The following SPTBN1 variants were observed in gnomAD, a reference collection of about 807,000 sequenced individuals.
The protein encoded by SPTBN1 is spectrin beta, non-erythrocytic 1.
A neutral mutation model predicts 266.4 loss-of-function variants in SPTBN1; 32 were observed. The observed-to-expected ratio is 0.12, with a 90% confidence interval of 0.09 to 0.16. SPTBN1 has a LOEUF of 0.16. Among genes scored for constraint, SPTBN1 ranks in the 10% least tolerant of loss-of-function variants. SPTBN1 has a pLI of 1.00. For missense variants in SPTBN1, 2,296 were observed against 3,067.1 expected (o/e 0.75, Z 5.94); for synonymous variants, 1,336 against 1,162.2 (o/e 1.15, Z -3.04).
chr2:54,502,242 ATC>A (rs1669310281), intron 1 of SPTBN1, among the ~76,000 whole-genome samples: 1 of 152,094 alleles, frequency 6.6e-6, no homozygotes, highest in Non-Finnish European at 1.5e-5. Context: ...CCTTGCTCTC[ATC>A]TGGAAGCTGA....
chr2:54,584,156 T>C lies in SPTBN1; in HGVS notation c.149-14936T>C, dbSNP rs192483785. Among the ~76,000 whole-genome samples, 3 of 152,362 alleles carry C rather than the reference T, an allele frequency of 2.0e-5. No individual in the cohort carries two copies. In the East Asian group the frequency reaches 5.8e-4, roughly 29 times the overall value. ...TTATACACTGTTCTATAAGGGACTC[T>C]TGCATTCAGTAATATTATATGGCCA... On this transcript the variant is annotated intron_variant, in intron 2 of 35. Coordinates refer to ENST00000356805, the MANE Select transcript of SPTBN1 (RefSeq NM_003128.3).
At chr2:54,524,325 T>C (rs1017373662) in intron 1 of SPTBN1, among the ~76,000 whole-genome samples, 2 of 152,234 alleles carry the variant, frequency 1.3e-5, no homozygotes, top group African/African-American at 4.8e-5. Flanking sequence ...GATAGCTTCA[T>C]ATGCCTGACT....
At chr2:54,572,710 G>A (rs1184856285) in intron 2 of SPTBN1, among the ~76,000 whole-genome samples, 1 of 152,174 alleles carries the variant, frequency 6.6e-6, no homozygotes, top group Admixed American at 6.5e-5. Flanking sequence ...GAGGTGGGAT[G>A]TTATTTTTTT....
chr2:54,520,970 A>G (rs1323716279), intron 1 of SPTBN1, among the ~76,000 whole-genome samples: 1 of 152,114 alleles, frequency 6.6e-6, no homozygotes, highest in Non-Finnish European at 1.5e-5. Flanking sequence ...CAGAGTTCCA[A>G]GATGGCCAAG....
chr2:54,647,100 C>G (rs746966056), intron 23 of SPTBN1, 31 bp from the exon 24 acceptor site: 8 of 1,614,078 alleles, frequency 5.0e-6, no homozygotes, highest in Non-Finnish European at 6.8e-6. Context: ...GAGGGGACCG[C>G]TATGGTTGTG....
intron 2 of SPTBN1, 79 bp from the exon 3 acceptor site, chr2:54,599,013 G>C: frequency 6.5e-7 from 1 of 1,542,962 alleles, no homozygotes; most frequent in Non-Finnish European, 8.8e-7. Flanking sequence ...TCTGGCTGGG[G>C]TCTTGTGGCC....
At chr2:54,621,781 C>G (rs998906764) in intron 8 of SPTBN1, among the ~76,000 whole-genome samples, 1 of 152,150 alleles carries the variant, frequency 6.6e-6, no homozygotes, top group African/African-American at 2.4e-5. Context: ...GAAATCTGAT[C>G]GAGTTGCCTA....
intron 2 of SPTBN1, chr2:54,527,133 T>A (rs972905241): frequency 2.6e-5 from 4 of 151,616 alleles, no homozygotes; most frequent in Non-Finnish European, 5.9e-5. Context: ...GAGCACACTT[T>A]CTCCATGGCC....
At chr2:54,567,234 G>A (rs1271039000) in intron 2 of SPTBN1, among the ~76,000 whole-genome samples, 1 of 152,182 alleles carries the variant, frequency 6.6e-6, no homozygotes, top group Non-Finnish European at 1.5e-5. Flanking sequence ...AGTGAGGATG[G>A]GGTGGTAGGA....
intron 16 of SPTBN1, 139 bp downstream of exon 16, chr2:54,631,750 C>T: frequency 8.7e-7 from 1 of 1,147,774 alleles, no homozygotes; most frequent in Non-Finnish European, 1.2e-6. Flanking sequence ...TTTTTTTTTC[C>T]CCATACTCTT....
rs1292942305 is a variant in SPTBN1, at chr2:54,533,394, G to C, written c.148+6828G>C. Among the ~76,000 whole-genome samples, 2 of 135,082 alleles carry C rather than the reference G, an allele frequency of 1.5e-5. No homozygotes were observed. Among genetic ancestry groups the C allele is most frequent in the South Asian group, 2.4e-4 (1 of 4,218 alleles). The allele number at this position is 135,082 out of a possible 152,430, so 88.6% of individuals were successfully genotyped here. ...TGTGTGTGTGTGTGTGTGTGTGTGT[G>C]TCTAAACCATTTGACTTCTAGTGAA... is the stretch of plus-strand genomic sequence containing the variant. On this transcript the variant is annotated intron_variant, in intron 2 of 35. Transcript: ENST00000356805. The surrounding 1 kb of genome is among the most constrained non-coding windows in gnomAD (Gnocchi z 4.2).
chr2:54,465,636 TCTC>T (rs201001365), intron 1 of SPTBN1, among the ~76,000 whole-genome samples: 2 of 33,554 alleles, frequency 6.0e-5, no homozygotes, highest in Admixed American at 1.0e-3. Context: ...ATCATGTTTA[TCTC>T]ATATATATAT....
At chr2:54,531,665 T>C (rs1671247669) in intron 2 of SPTBN1, among the ~76,000 whole-genome samples, 1 of 151,984 alleles carries the variant, frequency 6.6e-6, no homozygotes, top group African/African-American at 2.4e-5. Flanking sequence ...TACCAGCTTA[T>C]CATTACAACA....
intron 3 of SPTBN1, among the ~76,000 whole-genome samples, chr2:54,608,267 G>A (rs946231016): frequency 1.3e-5 from 2 of 152,198 alleles, no homozygotes; most frequent in African/African-American, 2.4e-5. Flanking sequence ...AGTAATAAGA[G>A]CAATAAATGA....
At chr2:54,574,734 A>G (rs1198404911) in intron 2 of SPTBN1, among the ~76,000 whole-genome samples, 1 of 152,078 alleles carries the variant, frequency 6.6e-6, no homozygotes, top group Non-Finnish European at 1.5e-5. Flanking sequence ...TGCAGGTCAC[A>G]CCCTTCCACC....
At chr2:54,576,679 T>G (rs10184128) in intron 2 of SPTBN1, among the ~76,000 whole-genome samples, 1 of 151,912 alleles carries the variant, frequency 6.6e-6, no homozygotes, top group East Asian at 1.9e-4. Context: ...ATTTTTAGCT[T>G]GAAGATCACT....
intron 1 of SPTBN1, among the ~76,000 whole-genome samples, chr2:54,522,233 G>T (rs1368916218): frequency 6.6e-6 from 1 of 152,132 alleles, no homozygotes. Flanking sequence ...CAATAGTAGT[G>T]TTTTTAAGGA....
intron 2 of SPTBN1, among the ~76,000 whole-genome samples, chr2:54,571,042 A>G (rs1304804317): frequency 6.6e-6 from 1 of 152,170 alleles, no homozygotes; most frequent in Non-Finnish European, 1.5e-5. Context: ...TCAGTCTTGC[A>G]ATGACAGAGA....
intron 1 of SPTBN1, among the ~76,000 whole-genome samples, chr2:54,512,220 G>A (rs778731557): frequency 6.6e-6 from 1 of 152,148 alleles, no homozygotes; most frequent in Non-Finnish European, 1.5e-5. Flanking sequence ...CTCTAATAGA[G>A]GTTTGATCAT....
Sources: allele counts gnomAD v4.1 joint callset (sites outside exome capture counted in the v4.1 genomes callset), GRCh38; gene constraint gnomAD v4.1.1; non-coding constraint Gnocchi (gnomAD v3.1); transcripts MANE v1.5; gene names NCBI Gene and HGNC (gene_info 2026-07-23, HGNC 2026-07-21).